Variants in FRMD4B observed in about 807,000 individuals in gnomAD.
FRMD4B encodes the protein FERM domain containing 4B.
In FRMD4B, 74 loss-of-function variants were observed where a neutral mutation model predicts 141.5. The ratio of observed to expected loss-of-function variants is 0.52; its 90% CI spans 0.43 to 0.63. The LOEUF (loss-of-function observed/expected upper bound fraction) is 0.63, where lower values mean the gene tolerates loss of function less well. Among genes scored for constraint, FRMD4B ranks in the 30% least tolerant of loss-of-function variants. FRMD4B has a pLI of 0.00. For synonymous variants in FRMD4B, 506 were observed against 467.9 expected, an observed-to-expected ratio of 1.08 and a Z score of -1.05; for missense variants, 1,366 against 1,253.4, an observed-to-expected ratio of 1.09 and a Z score of -1.36.
intron 7 of FRMD4B, among the ~76,000 whole-genome samples, chr3:69,227,031 G>A (rs2093261438): frequency 6.6e-6 from 1 of 152,128 alleles, no homozygotes; most frequent in Admixed American, 6.6e-5. Context: ...AAATAGCTGT[G>A]TGTTTCAACT....
chr3:69,437,692 G>C (rs1236341884), intron 1 of FRMD4B, among the ~76,000 whole-genome samples: 1 of 129,050 alleles, frequency 7.7e-6, no homozygotes, highest in East Asian at 2.2e-4. Context: ...TATATATGTA[G>C]TATATATACT....
intron 1 of FRMD4B, among the ~76,000 whole-genome samples, chr3:69,362,793 T>C (rs745849313): frequency 2.6e-5 from 4 of 152,128 alleles, no homozygotes; most frequent in Non-Finnish European, 5.9e-5. Context: ...CTGTGAATTT[T>C]AAACAATTTC....
chr3:69,459,079 G>C (rs953558666), intron 1 of FRMD4B, among the ~76,000 whole-genome samples: 1 of 152,102 alleles, frequency 6.6e-6, no homozygotes, highest in Non-Finnish European at 1.5e-5. Flanking sequence ...TGTTTTATGT[G>C]CTAACAAAAT....
intron 1 of FRMD4B, among the ~76,000 whole-genome samples, chr3:69,480,205 C>T (rs1706094624): frequency 6.6e-6 from 1 of 152,368 alleles, no homozygotes; most frequent in South Asian, 2.1e-4. Flanking sequence ...CTTCTCTCAA[C>T]TTGTCAAAGT....
At chr3:69,294,827 T>C (rs1342594549) in intron 4 of FRMD4B, among the ~76,000 whole-genome samples, 3 of 152,040 alleles carry the variant, frequency 2.0e-5, no homozygotes, top group Admixed American at 6.5e-5. Context: ...CAGGGACAGA[T>C]GCTTTGAGAG....
At chr3:69,253,223 T>C (rs2093474635) in intron 5 of FRMD4B, among the ~76,000 whole-genome samples, 1 of 130,614 alleles carries the variant, frequency 7.7e-6, no homozygotes, top group Non-Finnish European at 1.6e-5. Flanking sequence ...TGGGAGGCAA[T>C]GAGGATCAGG....
intron 10 of FRMD4B, 83 bp from the exon 11 acceptor site, chr3:69,216,432 T>A: frequency 7.3e-6 from 3 of 412,436 alleles, no homozygotes; most frequent in Middle Eastern, 3.6e-4. Context: ...TTCACCTCTT[T>A]TTTTTTTTTT....
intron 7 of FRMD4B, among the ~76,000 whole-genome samples, chr3:69,231,706 A>T (rs1278131818): frequency 6.6e-6 from 1 of 152,278 alleles, no homozygotes; most frequent in African/African-American, 2.4e-5. Context: ...GATGTGGGGA[A>T]AGCCGAAGTT....
intron 11 of FRMD4B, among the ~76,000 whole-genome samples, chr3:69,204,887 CTG>C (rs2093007761): frequency 6.6e-6 from 1 of 151,946 alleles, no homozygotes; most frequent in African/African-American, 2.4e-5. Context: ...GAAGAGAAAA[CTG>C]AGGCTCAGAG....
At chr3:69,252,535 G>A (rs984364034) in intron 5 of FRMD4B, among the ~76,000 whole-genome samples, 3 of 152,108 alleles carry the variant, frequency 2.0e-5, no homozygotes, top group Non-Finnish European at 4.4e-5. Context: ...TAGAAATCCC[G>A]GGCAACAAAT....
intron 1 of FRMD4B, among the ~76,000 whole-genome samples, chr3:69,379,251 A>C (rs1335996479): frequency 6.6e-6 from 1 of 152,124 alleles, no homozygotes; most frequent in African/African-American, 2.4e-5. Flanking sequence ...ACTCATCTTG[A>C]ACATTTGTTT....
Position 69,181,153 on chromosome 3 carries a change from G to C in FRMD4B, c.2597C>G (p.Pro866Arg). The C allele has an allele frequency of 6.2e-7, 1 of 1,613,976 alleles. No individual in the cohort carries two copies. The highest frequency in any genetic ancestry group is 8.5e-7 in the Non-Finnish European group (1 of 1,179,886). The change falls in exon 21 of 23, where the codon CCC becomes CGC. Residue 866 changes from proline to arginine, a missense_variant. Physicochemically the swap from Pro to Arg is moderately radical, Grantham distance 103. Transcript: ENST00000398540. ...SFHEDEVDRV[P>R]HNPYATLRLP... Reference sequence around the variant, plus strand: ...CCGGAGAGTTGCATATGGGTTATGGGGTACCCGGTCGACCTCATCTTCGTG... The same window carrying C: ...CCGGAGAGTTGCATATGGGTTATGGCGTACCCGGTCGACCTCATCTTCGTG...
intron 1 of FRMD4B, among the ~76,000 whole-genome samples, chr3:69,473,918 C>T (rs1297578603): frequency 2.0e-5 from 3 of 152,226 alleles, no homozygotes; most frequent in Non-Finnish European, 1.5e-5. Context: ...CAAGGGTTTG[C>T]GCTTAGGCTG....
intron 1 of FRMD4B, among the ~76,000 whole-genome samples, chr3:69,496,076 A>T (rs1227094682): frequency 1.3e-5 from 2 of 152,204 alleles, no homozygotes; most frequent in African/African-American, 4.8e-5. Context: ...TACTCAGTAA[A>T]CATTAAGTTA....
At chr3:69,174,395 A>C (rs1337441751) in intron 22 of FRMD4B, among the ~76,000 whole-genome samples, 1 of 152,232 alleles carries the variant, frequency 6.6e-6, no homozygotes, top group Admixed American at 6.5e-5. Context: ...GTAAAACTGT[A>C]TGTACAATAT....
At chr3:69,218,794 G>T (rs141868464) in intron 9 of FRMD4B, among the ~76,000 whole-genome samples, 163 of 152,234 alleles carry the variant, frequency 1.1e-3, no homozygotes, top group Middle Eastern at 0.01. Flanking sequence ...TAAATAACTA[G>T]AAACATCTGT....
At chr3:69,197,473 T>A (rs1252945367) in intron 12 of FRMD4B, among the ~76,000 whole-genome samples, 1 of 151,956 alleles carries the variant, frequency 6.6e-6, no homozygotes, top group African/African-American at 2.4e-5. Flanking sequence ...GGCTCTGACA[T>A]TATCAGAGAA....
At chr3:69,494,318 G>A (rs926312859) in intron 1 of FRMD4B, among the ~76,000 whole-genome samples, 28 of 152,302 alleles carry the variant, frequency 1.8e-4, no homozygotes, top group Admixed American at 1.4e-3. Context: ...GATTGGGCAC[G>A]AGATCCAGCT....
chr3:69,320,721 T>C (rs949205472), intron 1 of FRMD4B, among the ~76,000 whole-genome samples: 1 of 152,206 alleles, frequency 6.6e-6, no homozygotes, highest in Non-Finnish European at 1.5e-5. Flanking sequence ...TGGCAGCTAA[T>C]AGCAGCAATG....
Sources: allele counts gnomAD v4.1 joint callset (sites outside exome capture counted in the v4.1 genomes callset), GRCh38; gene constraint gnomAD v4.1.1; transcripts MANE v1.5; gene names NCBI Gene and HGNC (gene_info 2026-07-23, HGNC 2026-07-21).